Variants in TMEFF2 observed in about 807,000 individuals in gnomAD.
TMEFF2 encodes the protein tomoregulin-2.
Under a neutral mutation model 53.8 loss-of-function variants are expected in TMEFF2, and 28 were observed. The ratio of observed to expected loss-of-function variants is 0.52; its 90% CI spans 0.39 to 0.71. The LOEUF is 0.71. Ranked by LOEUF, TMEFF2 falls within the 30% of genes least tolerant of loss-of-function variation. The pLI, the probability that TMEFF2 is intolerant of heterozygous loss-of-function variation, is 0.00. For synonymous variants in TMEFF2, 162 were observed against 166.3 expected (o/e 0.97, Z 0.20); for missense variants, 353 against 455.2 (o/e 0.78, Z 2.04).
At chr2:192,073,183 G>A (rs376303571) in intron 4 of TMEFF2, among the ~76,000 whole-genome samples, 24 of 152,042 alleles carry the variant, frequency 1.6e-4, no homozygotes, top group East Asian at 5.8e-4. Flanking sequence ...TTCAGGTGAG[G>A]TATTTTTAAA....
Position 191,950,371 on chromosome 2 carries a change from C to T in TMEFF2, c.1065G>A (p.Lys355=). The T allele has an allele frequency of 6.2e-7, 1 of 1,613,866 alleles. No homozygotes were observed. Among genetic ancestry groups the T allele is most frequent in the Non-Finnish European group, 8.5e-7 (1 of 1,179,892 alleles). The change falls in exon 10 of 10, where the codon AAG becomes AAA. Residue 355 remains lysine, a synonymous_variant. Transcript: ENST00000272771. The part of the protein sequence containing the change: ...CPRSNRIHRQ[K]QNTGHYSSDN... ...CTGAACTGTAGTGCCCTGTATTTTGCTTCTGTCTGTGAATTCTGTTGCTTC... is the reference window on the plus strand; with the variant it reads ...CTGAACTGTAGTGCCCTGTATTTTGTTTCTGTCTGTGAATTCTGTTGCTTC...
chr2:192,184,527 T>A, intron 2 of TMEFF2, 44 bp from the exon 3 acceptor site: 1 of 1,605,896 alleles, frequency 6.2e-7, no homozygotes, highest in Middle Eastern at 1.7e-4. Context: ...TACTGGAGAT[T>A]GTATCCCTCT....
chr2:192,089,199 C>T (rs1285249705), intron 4 of TMEFF2, among the ~76,000 whole-genome samples: 1 of 152,012 alleles, frequency 6.6e-6, no homozygotes, highest in Admixed American at 6.6e-5. Flanking sequence ...CACAGTCTTT[C>T]CTAACCTCTT....
intron 5 of TMEFF2, among the ~76,000 whole-genome samples, chr2:192,024,831 T>A (rs935608051): frequency 3.9e-5 from 6 of 152,208 alleles, no homozygotes; most frequent in African/African-American, 1.4e-4. Context: ...AAAGTCAACA[T>A]AGACTGGACT....
intron 7 of TMEFF2, among the ~76,000 whole-genome samples, chr2:191,990,242 G>A (rs1376350584): frequency 6.6e-6 from 1 of 152,160 alleles, no homozygotes; most frequent in Admixed American, 6.6e-5. Flanking sequence ...TAATTTCTTT[G>A]AGACATTTTG....
At chr2:192,163,051 C>T (rs956990149) in intron 4 of TMEFF2, among the ~76,000 whole-genome samples, 3 of 152,168 alleles carry the variant, frequency 2.0e-5, no homozygotes, top group East Asian at 1.9e-4. Flanking sequence ...AGGAGCACCA[C>T]GGAGGCTGAA....
At chr2:192,083,564 T>G (rs563561147) in intron 4 of TMEFF2, among the ~76,000 whole-genome samples, 51 of 152,164 alleles carry the variant, frequency 3.4e-4, no homozygotes, top group African/African-American at 1.2e-3. Context: ...CTCTGCTATA[T>G]TAATTTGGCA....
At chr2:192,069,980 GTGTGTGTGTATATATATATA>G (rs1278128031) in intron 4 of TMEFF2, among the ~76,000 whole-genome samples, 5 of 8,204 alleles carry the variant, frequency 6.1e-4, no homozygotes, top group African/African-American at 6.5e-4. Flanking sequence ...GTGTGTGTGT[GTGTGTGTGTATATATATATA>G]TATATATATA....
At chr2:192,067,137 A>T (rs1559111461) in intron 4 of TMEFF2, among the ~76,000 whole-genome samples, 1 of 151,856 alleles carries the variant, frequency 6.6e-6, no homozygotes. Flanking sequence ...TTACTTGGAT[A>T]AAAATGTAGG....
chr2:192,162,321 A>C (rs1165448637), intron 4 of TMEFF2, among the ~76,000 whole-genome samples: 1 of 152,188 alleles, frequency 6.6e-6, no homozygotes, highest in Non-Finnish European at 1.5e-5. Flanking sequence ...TGGATTAAAA[A>C]ATTTGATAAT....
chr2:192,017,183 G>C (rs1686762645), intron 5 of TMEFF2, among the ~76,000 whole-genome samples: 1 of 152,186 alleles, frequency 6.6e-6, no homozygotes, highest in African/African-American at 2.4e-5. Flanking sequence ...AGGTTCCCAT[G>C]CACTGGGGAG....
chr2:192,017,854 T>TGTTC (rs1686776485), intron 5 of TMEFF2, among the ~76,000 whole-genome samples: 1 of 152,196 alleles, frequency 6.6e-6, no homozygotes, highest in Admixed American at 6.5e-5. Flanking sequence ...ATTAAACACT[T>TGTTC]GTTCTTTTCT....
At chr2:192,082,054 C>T (rs1255552840) in intron 4 of TMEFF2, among the ~76,000 whole-genome samples, 4 of 152,078 alleles carry the variant, frequency 2.6e-5, no homozygotes, top group Non-Finnish European at 5.9e-5. Context: ...CCCGTCTTGG[C>T]CTCCCAAAGT....
chr2:192,129,994 T>C (rs1197623387), intron 4 of TMEFF2, among the ~76,000 whole-genome samples: 1 of 152,212 alleles, frequency 6.6e-6, no homozygotes, highest in Non-Finnish European at 1.5e-5. Flanking sequence ...TCCCTAAATA[T>C]AAAACAAATA....
intron 5 of TMEFF2, among the ~76,000 whole-genome samples, chr2:192,053,100 C>T (rs1687811803): frequency 6.6e-6 from 1 of 152,132 alleles, no homozygotes; most frequent in South Asian, 2.1e-4. Flanking sequence ...AGAACATAAA[C>T]TACGGTCTTA....
rs1239376933 is a variant in TMEFF2, at chr2:192,194,138, C to G, written c.172+215G>C. ...AGCGCAAGCATGCAAAGGTTTCCTG[C>G]TACACCTGCACTTTCTGCCCATCCC... On this transcript the variant is annotated intron_variant, in intron 1 of 9. Coordinates refer to ENST00000272771, the MANE Select transcript of TMEFF2 (RefSeq NM_016192.4). This position sits in a 1 kb window ranked among gnomAD's most constrained non-coding sequence, Gnocchi z 4.2. 6.6e-6 allele frequency among the ~76,000 whole-genome samples: 1 copy of G among 152,172 alleles called. No homozygotes were observed. The highest frequency in any genetic ancestry group is 1.5e-5 in the Non-Finnish European group (1 of 68,032).
chr2:192,115,213 A>G (rs776919380), intron 4 of TMEFF2, among the ~76,000 whole-genome samples: 9 of 152,038 alleles, frequency 5.9e-5, no homozygotes, highest in Non-Finnish European at 1.0e-4. Flanking sequence ...AATCAAAACA[A>G]CATGGTAGTG....
intron 2 of TMEFF2, among the ~76,000 whole-genome samples, chr2:192,186,191 A>C (rs6434542): frequency 0.97 from 147,236 of 152,240 alleles, 71,400 homozygotes; most frequent in East Asian, 1. Context: ...ACTCAATCAG[A>C]AACTGACTTC....
At chr2:191,960,220 T>C (rs1002422726) in intron 7 of TMEFF2, among the ~76,000 whole-genome samples, 3 of 152,056 alleles carry the variant, frequency 2.0e-5, no homozygotes, top group African/African-American at 4.8e-5. Context: ...CAACCCAGAG[T>C]CCCAGGTGCA....
Sources: gnomAD v4.1 joint callset for allele counts (sites outside exome capture counted in the v4.1 genomes callset) on GRCh38, gnomAD v4.1.1 for gene constraint, Gnocchi (gnomAD v3.1) non-coding constraint, MANE v1.5 for transcripts, NCBI Gene and HGNC (gene_info 2026-07-23, HGNC 2026-07-21) for gene names.